Variants in ERLIN2 observed in about 807,000 individuals in gnomAD.
ERLIN2 encodes the protein erlin-2.
ERLIN2 carries 22 observed loss-of-function variants against 41.5 expected under a neutral mutation model. The observed-to-expected ratio is 0.53, with a 90% CI of 0.38 to 0.76. The LOEUF is 0.76. Ranked by LOEUF, ERLIN2 falls within the 30% of genes least tolerant of loss-of-function variation. The probability of loss-of-function intolerance (pLI) is 0.00; values close to 1 mark genes in which losing one functional copy is unlikely to be tolerated. For missense variants in ERLIN2, 247 were observed against 414.3 expected (o/e 0.60, Z 3.51); for synonymous variants, 149 against 150.9 (o/e 0.99, Z 0.09).
At position 37,745,835 on chromosome 8, in the gene ERLIN2, C is replaced by T. The variant is rs1354732763; in HGVS notation, c.424+1139C>T. 1.6e-5 allele frequency: 21 copies of T among 1,340,192 alleles called. 1 individual carries two copies. Among genetic ancestry groups the T allele is most frequent in the Admixed American group, 3.4e-5 (1 of 29,560 alleles). The allele number at this position is 1,340,192 out of a possible 1,614,324, so 83.0% of individuals were successfully genotyped here. On this transcript the variant is annotated intron_variant, in intron 6 of 11. Coordinates refer to ENST00000519638, the MANE Select transcript of ERLIN2 (RefSeq NM_007175.8). Reference sequence around the variant, plus strand: ...TTTAAGAAAAAGTTGGTAAATTTGCCGTTGATTTTTCTTTTTAACCTCAAA... The same window carrying T: ...TTTAAGAAAAAGTTGGTAAATTTGCTGTTGATTTTTCTTTTTAACCTCAAA...
At chr8:37,737,841 C>T (rs1032645489) in intron 1 of ERLIN2, 67 bp from the exon 2 acceptor site, 21 of 1,604,162 alleles carry the variant, frequency 1.3e-5, no homozygotes, top group Admixed American at 3.4e-5. Context: ...TGGTGAGGTC[C>T]TCTCGCTGTT....
intron 1 of ERLIN2, 63 bp from the exon 2 acceptor site, chr8:37,737,845 C>G: frequency 1.9e-6 from 3 of 1,606,604 alleles, no homozygotes; most frequent in East Asian, 4.5e-5. Context: ...GAGGTCCTCT[C>G]GCTGTTGTGG....
At chr8:37,749,935 C>G in intron 8 of ERLIN2, 83 bp downstream of exon 8, 1 of 1,209,830 alleles carries the variant, frequency 8.3e-7, no homozygotes, top group South Asian at 1.2e-5. Flanking sequence ...ACCAAAGCTG[C>G]CAGGCTTCTC....
intron 3 of ERLIN2, 173 bp downstream of exon 3, chr8:37,740,619 C>CTA (rs1412486400): frequency 3.7e-4 from 67 of 181,134 alleles, no homozygotes; most frequent in Non-Finnish European, 6.1e-4. Context: ...CACACATACA[C>CTA]TATATATATA....
rs1380260737 is a variant in ERLIN2, at chr8:37,758,320, A to G, written c.*4205A>G. 3 of 152,188 alleles carry G rather than the reference A, an allele frequency of 2.0e-5. No individual in the cohort carries two copies. Among genetic ancestry groups the G allele is most frequent in the African/African-American group, 7.2e-5 (3 of 41,440 alleles). 9.4% of individuals were successfully genotyped at this position (152,188 alleles called of 1,614,324 possible). On this transcript the variant is annotated 3_prime_UTR_variant, in exon 12 of 12. Transcript: ENST00000519638. Reference sequence around the variant, plus strand: ...CAGTTAGACTGCCAAAGTTCAAATCACTGCTCTACTACTTCTTAGGTGTGT... The same window carrying G: ...CAGTTAGACTGCCAAAGTTCAAATCGCTGCTCTACTACTTCTTAGGTGTGT...
In ERLIN2 at chr8:37,741,921, G is replaced by A; in HGVS notation, c.236+103G>A. On this transcript the variant is annotated intron_variant, in intron 4 of 11. Coordinates refer to ENST00000519638, the MANE Select transcript of ERLIN2 (RefSeq NM_007175.8). The surrounding 1 kb of genome is among the most constrained non-coding windows in gnomAD (Gnocchi z 4.8). ...GTGAAAAGGGAGGCACCCTTTCTTG[G>A]TTAATTCCCTGTCTCGTAGCTCCCT... 1 of 864,522 alleles carries A rather than the reference G, an allele frequency of 1.2e-6. No individual in the cohort carries two copies. The highest frequency in any genetic ancestry group is 2.0e-6 in the Non-Finnish European group (1 of 507,954). The allele number at this position is 864,522 out of a possible 1,614,324, so 53.6% of individuals were successfully genotyped here.
chr8:37,753,551 A>G (rs978285397), intron 11 of ERLIN2, 22 bp downstream of exon 11: 2 of 1,607,830 alleles, frequency 1.2e-6, no homozygotes, highest in Non-Finnish European at 1.7e-6. Flanking sequence ...GCACAGCCTG[A>G]TAAAAAGGAG....
chr8:37,749,700 C>A, intron 7 of ERLIN2, 68 bp downstream of exon 7: 5 of 1,555,684 alleles, frequency 3.2e-6, no homozygotes, highest in Non-Finnish European at 4.4e-6. Flanking sequence ...AAGGGATGTC[C>A]TTTTTGTGCA....
intron 8 of ERLIN2, chr8:37,750,100 G>A (rs1803184723): frequency 6.4e-6 from 4 of 626,224 alleles, no homozygotes; most frequent in Non-Finnish European, 1.1e-5. Context: ...AGGGGGCCTT[G>A]TTTGTGTTCA....
intron 11 of ERLIN2, 71 bp downstream of exon 11, chr8:37,753,600 T>C: frequency 7.1e-7 from 1 of 1,404,560 alleles, no homozygotes. Context: ...GAGTTTCCAG[T>C]GTTGAGCGCC....
chr8:37,742,605 G>T (rs1395342984), intron 4 of ERLIN2, among the ~76,000 whole-genome samples: 1 of 152,112 alleles, frequency 6.6e-6, no homozygotes, highest in Non-Finnish European at 1.5e-5. Flanking sequence ...ACTGAATGAT[G>T]AGAACACATG....
At chr8:37,749,505 C>T (rs190707457) in intron 6 of ERLIN2, 54 bp from the exon 7 acceptor site, 45 of 1,242,968 alleles carry the variant, frequency 3.6e-5, no homozygotes, top group Non-Finnish European at 5.0e-5. Context: ...ATCCTGCCCT[C>T]CCTCATCTAG....
intron 6 of ERLIN2, 178 bp downstream of exon 6, chr8:37,744,874 C>A: frequency 1.4e-6 from 1 of 738,594 alleles, no homozygotes; most frequent in Non-Finnish European, 2.4e-6. Context: ...ATGCTGATAG[C>A]TATGCAACAA....
At chr8:37,737,847 C>T in intron 1 of ERLIN2, 61 bp from the exon 2 acceptor site, 1 of 1,608,142 alleles carries the variant, frequency 6.2e-7, no homozygotes, top group Non-Finnish European at 8.5e-7. Flanking sequence ...GGTCCTCTCG[C>T]TGTTGTGGCC....
chr8:37,749,225 G>C (rs551138800), intron 6 of ERLIN2, among the ~76,000 whole-genome samples: 1 of 152,314 alleles, frequency 6.6e-6, no homozygotes, highest in East Asian at 1.9e-4. Flanking sequence ...GCTGCCTCAC[G>C]CAAGAAATGT....
At chr8:37,750,098 T>C in intron 8 of ERLIN2, 1 of 626,690 alleles carries the variant, frequency 1.6e-6, no homozygotes, top group East Asian at 2.7e-5. Context: ...CCAGGGGGCC[T>C]TGTTTGTGTT....
rs373304461 is a variant in ERLIN2 at position 37,753,525 on chromosome 8, A to G, written c.815A>G (p.Asn272Ser). ...CYTAMKIAEA[N>S]KLKLTPEYLQ... is the part of the protein sequence containing the mutation. ...ACTGCTATGAAAATAGCCGAAGCCA[A>G]TAAGGTAAAGACCCCGCACAGCCTG... Residue 272 changes from asparagine to serine, a missense_variant, in exon 11 of 12, where the codon AAT (asparagine) becomes AGT (serine). Around this residue, in one of 3 missense-constraint regions of ERLIN2, gnomAD observed 153 missense variants for 256.4 expected, o/e 0.60. Coordinates refer to ENST00000519638, the MANE Select transcript of ERLIN2 (RefSeq NM_007175.8). 3 of 1,613,958 alleles carry G rather than the reference A, an allele frequency of 1.9e-6. No individual in the cohort carries two copies. The highest frequency in any genetic ancestry group is 1.1e-5 in the South Asian group (1 of 91,076).
At chr8:37,748,049 C>T (rs1297480403) in intron 6 of ERLIN2, 5 of 1,538,432 alleles carry the variant, frequency 3.3e-6, no homozygotes, top group Middle Eastern at 1.7e-4. Context: ...AGAAGAGGGT[C>T]GCGCCGAAAT....
intron 10 of ERLIN2, among the ~76,000 whole-genome samples, chr8:37,752,568 C>T (rs1803246098): frequency 6.6e-6 from 1 of 152,224 alleles, no homozygotes; most frequent in South Asian, 2.1e-4. Context: ...GCAGCCAGAA[C>T]CCTGGCTGGA....
Sources: gnomAD v4.1 joint callset for allele counts (sites outside exome capture counted in the v4.1 genomes callset) on GRCh38, gnomAD v4.1.1 for gene constraint, gnomAD v4.1.1 regional missense constraint, Gnocchi (gnomAD v3.1) non-coding constraint, MANE v1.5 for transcripts, NCBI Gene and HGNC (gene_info 2026-07-23, HGNC 2026-07-21) for gene names.